ABHD16A: variants seen among roughly 807,000 people sequenced by gnomAD.
ABHD16A encodes phosphatidylserine lipase ABHD16A.
In ABHD16A, 47 loss-of-function variants were observed where a neutral mutation model predicts 89.8. The ratio of observed to expected loss-of-function variants is 0.52; its 90% CI spans 0.41 to 0.67. The LOEUF is 0.67. Ranked by LOEUF, ABHD16A falls within the 30% of genes least tolerant of loss-of-function variation. ABHD16A has a pLI of 0.00. For synonymous variants in ABHD16A, 251 were observed against 280.4 expected, an observed-to-expected ratio of 0.90 and a Z score of 1.05; for missense variants, 580 against 734.6, an observed-to-expected ratio of 0.79 and a Z score of 2.43.
At position 31,690,305 on chromosome 6, in the gene ABHD16A, G is replaced by C. The variant is rs781132623; in HGVS notation, c.908-178C>G. On this transcript the variant is annotated intron_variant, in intron 10 of 19. Coordinates refer to ENST00000395952, the MANE Select transcript of ABHD16A (RefSeq NM_021160.3). The surrounding 1 kb of genome is among the most constrained non-coding windows in gnomAD (Gnocchi z 4.1). ...AGCACAGGGAGCAGCATGTGATTGT[G>C]TGGGGTGTGTGGTGGGGGAATGGAA... 9 of 681,304 alleles carry C rather than the reference G, an allele frequency of 1.3e-5. No homozygotes were observed. Among genetic ancestry groups the C allele is most frequent in the African/African-American group, 3.6e-5 (2 of 55,252 alleles). The allele number at this position is 681,304 out of a possible 1,614,324, so 42.2% of individuals were successfully genotyped here.
At position 31,687,706 on chromosome 6, in the gene ABHD16A, G is replaced by T; in HGVS notation, c.1482C>A (p.Asp494Glu). The change falls in exon 18 of 20, where the codon GAC becomes GAA. Residue 494 changes from aspartate to glutamate, a missense_variant. Physicochemically the swap from Asp to Glu is conservative, Grantham distance 45 (BLOSUM62 2). Coordinates refer to ENST00000395952, the MANE Select transcript of ABHD16A (RefSeq NM_021160.3). This position sits in a 1 kb window ranked among gnomAD's most constrained non-coding sequence, Gnocchi z 6.3. ...SIYSRWEVEE[D>E]WCLSVLRSYQ... is the part of the protein sequence containing the mutation. ...AGGAGCGGAGGACAGACAGACACCA[G>T]TCCTCTTCCACCTCCCATCGGCTAT... The T allele has an allele frequency of 1.2e-6, 2 of 1,612,864 alleles. No individual in the cohort carries two copies. The highest frequency in any genetic ancestry group is 1.7e-6 in the Non-Finnish European group (2 of 1,179,926).
intron 4 of ABHD16A, 69 bp from the exon 5 acceptor site, chr6:31,697,102 G>T: frequency 2.8e-6 from 4 of 1,415,028 alleles, no homozygotes; most frequent in Non-Finnish European, 4.0e-6. Flanking sequence ...TTTAGGAAAA[G>T]AATTGGAGAT....
rs1804138526 is a variant in ABHD16A, at chr6:31,693,891, G to A, written c.430-459C>T. Among the ~76,000 whole-genome samples, 1 of 152,228 alleles carries A rather than the reference G, an allele frequency of 6.6e-6. No individual in the cohort carries two copies. ...GTTGAGTGAGACAGAGAGGAGGGAA[G>A]TCACGCCCACAGTGGGCTCCTCTGC... On this transcript the variant is annotated intron_variant, in intron 5 of 19. Coordinates refer to ENST00000395952, the MANE Select transcript of ABHD16A (RefSeq NM_021160.3). The surrounding 1 kb of genome is among the most constrained non-coding windows in gnomAD (Gnocchi z 5.0).
chr6:31,691,745 G>T, intron 8 of ABHD16A, 59 bp downstream of exon 8: 1 of 1,533,362 alleles, frequency 6.5e-7, no homozygotes, highest in Non-Finnish European at 8.9e-7. Context: ...GGGGTGGGGC[G>T]GGGTGGGTGG....
intron 4 of ABHD16A, among the ~76,000 whole-genome samples, chr6:31,700,424 A>T (rs1804848179): frequency 6.6e-6 from 1 of 152,198 alleles, no homozygotes; most frequent in Non-Finnish European, 1.5e-5. Context: ...ACACCCGGCC[A>T]CACAGAACAT....
chr6:31,687,570 G>C lies in ABHD16A; in HGVS notation c.1547-26C>G, dbSNP rs1803419308. The C allele has an allele frequency of 6.2e-7, 1 of 1,612,956 alleles. No individual in the cohort carries two copies. Among genetic ancestry groups the C allele is most frequent in the Non-Finnish European group, 8.5e-7 (1 of 1,179,976 alleles). On this transcript the variant is annotated intron_variant, in intron 18 of 19. Transcript: ENST00000395952. The surrounding 1 kb of genome is among the most constrained non-coding windows in gnomAD (Gnocchi z 6.3). ...CTGCAGAGAGGAGGCGCTCAAAATA[G>C]GCCACACATCTGGGTATTCATCCCC...
chr6:31,689,022 G>A lies in ABHD16A; in HGVS notation c.1179C>T (p.Asp393=). Residue 393 remains aspartate (D), a synonymous_variant, in exon 13 of 20, where the codon GAC becomes GAT. Transcript: ENST00000395952. ...CCTGGGAGCTGCACTCACTCCAGCT[G>A]TCTGGCATGACCTTCAAGGCCAAGG... ...LVPLALKVMP[D]SWRGLVTRTV... 1.2e-6 allele frequency: 2 copies of A among 1,613,446 alleles called. No individual in the cohort carries two copies. The highest frequency in any genetic ancestry group is 1.1e-5 in the South Asian group (1 of 91,004).
In ABHD16A at chr6:31,688,747, A is replaced by C. The variant is rs2151222951; in HGVS notation, c.1226T>G (p.Leu409Arg). The change falls in exon 14 of 20, where the codon CTA (leucine) becomes CGA (arginine). Residue 409 changes from leucine to arginine, a missense_variant. Leu to Arg is a moderately radical substitution (Grantham distance 102, BLOSUM62 -2). This residue lies in a region of ABHD16A where 415 missense variants were observed against 568.8 expected (regional missense o/e 0.73). Transcript: ENST00000395952. The surrounding 1 kb of genome is among the most constrained non-coding windows in gnomAD (Gnocchi z 4.9). ...CCTGCACAGCTGCTCCGCGTTGTTT[A>C]GATTGAGATGCTGCCTCACGGTCCT... ...VTRTVRQHLN[L>R]NNAEQLCRYQ... 1 of 1,613,038 alleles carries C rather than the reference A, an allele frequency of 6.2e-7. No homozygotes were observed. The highest frequency in any genetic ancestry group is 8.5e-7 in the Non-Finnish European group (1 of 1,179,998).
intron 5 of ABHD16A, among the ~76,000 whole-genome samples, chr6:31,694,294 C>T (rs938423067): frequency 6.6e-6 from 1 of 151,788 alleles, no homozygotes; most frequent in Non-Finnish European, 1.5e-5. Context: ...TGGGCTGAAG[C>T]GATCCTCCTG....
intron 7 of ABHD16A, chr6:31,692,644 G>C (rs1238358951): frequency 4.1e-6 from 1 of 241,498 alleles, no homozygotes; most frequent in Non-Finnish European, 8.2e-6. Flanking sequence ...GAGGCACACA[G>C]GGGCCCGGAG....
rs1461503082 is a variant in ABHD16A, at chr6:31,698,294, G to A, written c.344-1261C>T. ...ACCAAATGACAATTATTACTTCTGA[G>A]GAAAGAGGAAGATGGGACTGAAAGG... On this transcript the variant is annotated intron_variant, in intron 4 of 19. Coordinates refer to ENST00000395952, the MANE Select transcript of ABHD16A (RefSeq NM_021160.3). The surrounding 1 kb of genome is among the most constrained non-coding windows in gnomAD (Gnocchi z 4.1). 1.3e-5 allele frequency among the ~76,000 whole-genome samples: 2 copies of A among 150,868 alleles called. No individual in the cohort carries two copies. The highest frequency in any genetic ancestry group is 2.9e-5 in the Non-Finnish European group (2 of 67,808).
Position 31,688,372 on chromosome 6 carries a change from A to G in ABHD16A, c.1251-67T>C, listed in dbSNP as rs1378062604. 4.1e-6 allele frequency: 6 copies of G among 1,474,852 alleles called. No homozygotes were observed. The highest frequency in any genetic ancestry group is 5.7e-6 in the Non-Finnish European group (6 of 1,055,488). The allele number at this position is 1,474,852 out of a possible 1,614,324, so 91.4% of individuals were successfully genotyped here. On this transcript the variant is annotated intron_variant, in intron 14 of 19. Coordinates refer to ENST00000395952, the MANE Select transcript of ABHD16A (RefSeq NM_021160.3). The surrounding 1 kb of genome is among the most constrained non-coding windows in gnomAD (Gnocchi z 4.9). ...GACGGGTGACAACTGGCCCACCCCT[A>G]TCCCTGCACTGGTAGCATTCTTACC...
rs1474111187 is a variant in ABHD16A at position 31,702,620 on chromosome 6, G to T, written c.133-490C>A. ...TATTTAGAACAGCCTACCACCACCCGCCAGCTCTCCAGAATACAATGACTC... is the reference window on the plus strand; with the variant it reads ...TATTTAGAACAGCCTACCACCACCCTCCAGCTCTCCAGAATACAATGACTC... On this transcript the variant is annotated intron_variant, in intron 1 of 19. Transcript: ENST00000395952. 2.0e-6 allele frequency: 3 copies of T among 1,488,722 alleles called. No homozygotes were observed. In the Admixed American group the frequency reaches 8.3e-5, roughly 41 times the overall value. The allele number at this position is 1,488,722 out of a possible 1,614,324, so 92.2% of individuals were successfully genotyped here.
At position 31,688,313 on chromosome 6, in the gene ABHD16A, G is replaced by T. The variant is rs746945687; in HGVS notation, c.1251-8C>A. ...AGTACAGGACCCTGGTATCTTCAGA[G>T]AACAGAGCAGTGGGAAGGGAGAGCT... On this transcript the variant is annotated splice_polypyrimidine_tract_variant and splice_region_variant and intron_variant, in intron 14 of 19. Transcript: ENST00000395952. The surrounding 1 kb of genome is among the most constrained non-coding windows in gnomAD (Gnocchi z 4.9). 4.3e-6 allele frequency: 7 copies of T among 1,613,722 alleles called. No homozygotes were observed. Among genetic ancestry groups the T allele is most frequent in the Non-Finnish European group, 5.9e-6 (7 of 1,179,778 alleles).
chr6:31,690,399 C>A lies in ABHD16A; in HGVS notation c.907+140G>T. 1 of 923,352 alleles carries A rather than the reference C, an allele frequency of 1.1e-6. No homozygotes were observed. The allele number at this position is 923,352 out of a possible 1,614,324, so 57.2% of individuals were successfully genotyped here. On this transcript the variant is annotated intron_variant, in intron 10 of 19. Transcript: ENST00000395952. The surrounding 1 kb of genome is among the most constrained non-coding windows in gnomAD (Gnocchi z 4.1). The stretch of plus-strand genomic sequence containing the variant: ...GATGTAAGGTTATCAAAGCAAATGG[C>A]GAGTGGACTTTTCCCTAAAGCTGAG...
intron 4 of ABHD16A, 37 bp from the exon 5 acceptor site, chr6:31,697,070 C>T (rs1439569213): frequency 2.5e-5 from 39 of 1,576,076 alleles, no homozygotes; most frequent in Non-Finnish European, 3.0e-5. Context: ...GCTAGGAAAA[C>T]TGGGAAGCAG....
rs2151246347 is a variant in ABHD16A at position 31,697,150 on chromosome 6, A to G, written c.344-117T>C. On this transcript the variant is annotated intron_variant, in intron 4 of 19. Coordinates refer to ENST00000395952, the MANE Select transcript of ABHD16A (RefSeq NM_021160.3). The stretch of plus-strand genomic sequence containing the variant: ...GGCCCTGTAAGAAAAAGTGAAAGAA[A>G]AAGGAACTGAGGGCATAGGATGCGG... 3 of 915,776 alleles carry G rather than the reference A, an allele frequency of 3.3e-6. No homozygotes were observed. The East Asian group carries it at 7.5e-5, about 23-fold the overall frequency. 56.7% of individuals were successfully genotyped at this position (915,776 alleles called of 1,614,324 possible).
At position 31,693,175 on chromosome 6, in the gene ABHD16A, G is replaced by T. The variant is rs1804073474; in HGVS notation, c.504-26C>A. 6.2e-7 allele frequency: 1 copy of T among 1,608,050 alleles called. No homozygotes were observed. The highest frequency in any genetic ancestry group is 8.5e-7 in the Non-Finnish European group (1 of 1,176,848). On this transcript the variant is annotated intron_variant, in intron 6 of 19. Coordinates refer to ENST00000395952, the MANE Select transcript of ABHD16A (RefSeq NM_021160.3). This position sits in a 1 kb window ranked among gnomAD's most constrained non-coding sequence, Gnocchi z 5.0. ...CTGAGGAAGGGAAAGATGCAGGGAAGGATAGGGTCAGGAGCAGCAAGCTGG... is the reference window on the plus strand; with the variant it reads ...CTGAGGAAGGGAAAGATGCAGGGAATGATAGGGTCAGGAGCAGCAAGCTGG...
At chr6:31,696,077 T>C (rs1046024741) in intron 5 of ABHD16A, among the ~76,000 whole-genome samples, 11 of 149,426 alleles carry the variant, frequency 7.4e-5, no homozygotes, top group Non-Finnish European at 8.9e-5. Flanking sequence ...GGCAGGACAA[T>C]GGCATGAACC....
Sources: allele counts gnomAD v4.1 joint callset (sites outside exome capture counted in the v4.1 genomes callset), GRCh38; gene constraint gnomAD v4.1.1; regional missense constraint gnomAD v4.1.1; non-coding constraint Gnocchi (gnomAD v3.1); transcripts MANE v1.5; gene names NCBI Gene and HGNC (gene_info 2026-07-23, HGNC 2026-07-21).